The following PRIMA1 variants were observed in gnomAD, a reference collection of about 807,000 sequenced individuals.
PRIMA1 encodes proline-rich membrane anchor 1.
In PRIMA1, 7 loss-of-function variants were observed where a neutral mutation model predicts 17.5. The observed-to-expected ratio is 0.40, with a 90% CI of 0.23 to 0.75. The LOEUF (loss-of-function observed/expected upper bound fraction) is 0.75, where lower values mean the gene tolerates loss of function less well. PRIMA1 is among the 30% of genes least tolerant of loss of function. PRIMA1 has a pLI of 0.37. For missense variants in PRIMA1, 200 were observed against 201.8 expected, an observed-to-expected ratio of 0.99 and a Z score of 0.05; for synonymous variants, 97 against 77.9, an observed-to-expected ratio of 1.25 and a Z score of -1.29.
intron 3 of PRIMA1, among the ~76,000 whole-genome samples, chr14:93,767,714 C>T (rs962200784): frequency 2.0e-5 from 3 of 152,184 alleles, no homozygotes; most frequent in East Asian, 1.9e-4. Context: ...CCACACCCTC[C>T]GAGCACCTGC....
chr14:93,768,276 G>A (rs1373206111), intron 3 of PRIMA1, among the ~76,000 whole-genome samples: 7 of 152,230 alleles, frequency 4.6e-5, no homozygotes, highest in Admixed American at 2.6e-4. Context: ...ATTAGTGGCC[G>A]TGTTGGCAGC....
At chr14:93,747,739 T>G (rs1003269360) in intron 3 of PRIMA1, among the ~76,000 whole-genome samples, 5 of 147,912 alleles carry the variant, frequency 3.4e-5, no homozygotes, top group South Asian at 2.2e-4. Context: ...AGTGTGCGAG[T>G]GGGAAGTGTG....
intron 3 of PRIMA1, among the ~76,000 whole-genome samples, chr14:93,769,821 C>A (rs1047598425): frequency 6.6e-6 from 1 of 152,104 alleles, no homozygotes; most frequent in Admixed American, 6.5e-5. Context: ...TGGATTCTTG[C>A]GAATGTCCCA....
chr14:93,746,610 G>A (rs1408999289), intron 3 of PRIMA1, among the ~76,000 whole-genome samples: 1 of 152,126 alleles, frequency 6.6e-6, no homozygotes, highest in Non-Finnish European at 1.5e-5. Flanking sequence ...ACTTAAGAGA[G>A]GGTGGTGAAT....
chr14:93,751,006 T>TA (rs2076255975), intron 3 of PRIMA1, among the ~76,000 whole-genome samples: 1 of 152,118 alleles, frequency 6.6e-6, no homozygotes, highest in Non-Finnish European at 1.5e-5. Flanking sequence ...ACAAAGCACT[T>TA]ACATTTTACA....
At chr14:93,779,965 CCA>C (rs1338240876) in intron 2 of PRIMA1, among the ~76,000 whole-genome samples, 27 of 152,354 alleles carry the variant, frequency 1.8e-4, no homozygotes, top group Non-Finnish European at 2.9e-5. Flanking sequence ...CTCCATCCCC[CCA>C]GAAAGACCCA....
In PRIMA1 at chr14:93,718,629, G is replaced by A. The variant is rs1351668438; in HGVS notation, c.*2815C>T. ...TACAGATGCAGAGAGTACAGTAGTTGTATTTATATATATATATATATGTAG... is the reference window on the plus strand; with the variant it reads ...TACAGATGCAGAGAGTACAGTAGTTATATTTATATATATATATATATGTAG... On this transcript the variant is annotated 3_prime_UTR_variant, in exon 5 of 5. Transcript: ENST00000393140. The A allele has an allele frequency of 4.2e-5, 1 of 23,828 alleles. No individual in the cohort carries two copies. The highest frequency in any genetic ancestry group is 3.4e-4 in the East Asian group (1 of 2,930). 1.5% of individuals were successfully genotyped at this position (23,828 alleles called of 1,614,324 possible).
intron 3 of PRIMA1, among the ~76,000 whole-genome samples, chr14:93,755,271 G>T (rs908276370): frequency 6.6e-5 from 10 of 152,196 alleles, no homozygotes; most frequent in Non-Finnish European, 4.4e-5. Context: ...CACACGCCGG[G>T]ATGCTATGAC....
intron 3 of PRIMA1, among the ~76,000 whole-genome samples, chr14:93,743,620 G>A (rs952266289): frequency 6.6e-6 from 1 of 152,372 alleles, no homozygotes; most frequent in East Asian, 1.9e-4. Flanking sequence ...AGACTCCGAG[G>A]TTAAGTTCAG....
At chr14:93,764,193 C>A (rs1161023818) in intron 3 of PRIMA1, among the ~76,000 whole-genome samples, 1 of 152,040 alleles carries the variant, frequency 6.6e-6, no homozygotes, top group Non-Finnish European at 1.5e-5. Flanking sequence ...CCCGCCCTCA[C>A]CCCTCTGGCT....
intron 3 of PRIMA1, among the ~76,000 whole-genome samples, chr14:93,743,697 G>A (rs1566967603): frequency 1.3e-5 from 2 of 152,260 alleles, no homozygotes; most frequent in African/African-American, 4.8e-5. Context: ...CTTAAAACCA[G>A]TGTGGGCCTG....
intron 4 of PRIMA1, among the ~76,000 whole-genome samples, chr14:93,734,504 C>T (rs1368051856): frequency 2.0e-5 from 3 of 152,206 alleles, no homozygotes; most frequent in East Asian, 1.9e-4. Context: ...ACTAGTTTCC[C>T]GCTTGCCTGT....
chr14:93,747,806 TGA>T (rs781063731), intron 3 of PRIMA1, among the ~76,000 whole-genome samples: 13 of 144,670 alleles, frequency 9.0e-5, no homozygotes, highest in South Asian at 6.8e-4. Context: ...GTAAGGGGAC[TGA>T]GTGTGTGGGA....
At chr14:93,740,893 C>T (rs1289837302) in intron 3 of PRIMA1, among the ~76,000 whole-genome samples, 1 of 152,206 alleles carries the variant, frequency 6.6e-6, no homozygotes, top group Non-Finnish European at 1.5e-5. Context: ...GGGAATTTGG[C>T]ACTAAATTTC....
intron 2 of PRIMA1, 134 bp from the exon 3 acceptor site, chr14:93,779,445 A>G: frequency 1.4e-6 from 1 of 736,976 alleles, no homozygotes; most frequent in Non-Finnish European, 2.1e-6. Flanking sequence ...GGCAGGAAGA[A>G]TCAACAGAAG....
upstream of PRIMA1, among the ~76,000 whole-genome samples, chr14:93,788,650 C>T (rs867474791): frequency 2.0e-5 from 3 of 152,172 alleles, no homozygotes; most frequent in East Asian, 1.9e-4. Context: ...GCCGGTTGGG[C>T]CTCCCGGGCC....
chr14:93,761,190 A>G (rs1419529979), intron 3 of PRIMA1, among the ~76,000 whole-genome samples: 1 of 151,962 alleles, frequency 6.6e-6, no homozygotes, highest in South Asian at 2.1e-4. Flanking sequence ...TACTAAAAAT[A>G]CAAAAAAAAA....
intron 3 of PRIMA1, among the ~76,000 whole-genome samples, chr14:93,767,297 C>A (rs555830749): frequency 2.6e-5 from 4 of 152,316 alleles, no homozygotes; most frequent in African/African-American, 9.6e-5. Flanking sequence ...GGGCTGACTC[C>A]CATTTTACAG....
chr14:93,758,211 C>G (rs767083957), intron 3 of PRIMA1, among the ~76,000 whole-genome samples: 7 of 152,180 alleles, frequency 4.6e-5, no homozygotes, highest in Non-Finnish European at 1.0e-4. Context: ...CCAATGAAGT[C>G]TTGACACACA....
Sources: allele counts gnomAD v4.1 joint callset (sites outside exome capture counted in the v4.1 genomes callset), GRCh38; gene constraint gnomAD v4.1.1; transcripts MANE v1.5; gene names NCBI Gene and HGNC (gene_info 2026-07-23, HGNC 2026-07-21).